CSMD1: variants seen among roughly 807,000 people sequenced by gnomAD.
The protein encoded by CSMD1 is CUB and sushi domain-containing protein 1.
CSMD1 carries 213 observed loss-of-function variants against 417.5 expected under a neutral mutation model. That is an observed-to-expected ratio of 0.51 (90% CI 0.46 to 0.57). The LOEUF (loss-of-function observed/expected upper bound fraction) is 0.57, where lower values mean the gene tolerates loss of function less well. Ranked by LOEUF, CSMD1 falls within the 20% of genes least tolerant of loss-of-function variation. The probability of loss-of-function intolerance (pLI) is 0.00; values close to 1 mark genes in which losing one functional copy is unlikely to be tolerated. For synonymous variants in CSMD1, 2,862 were observed against 1,736.8 expected, an observed-to-expected ratio of 1.65 and a Z score of -16.11; for missense variants, 6,923 against 4,529.7, an observed-to-expected ratio of 1.53 and a Z score of -15.17.
chr8:4,045,919 A>G (rs994070492), intron 3 of CSMD1, among the ~76,000 whole-genome samples: 3 of 152,098 alleles, frequency 2.0e-5, no homozygotes, highest in African/African-American at 4.8e-5. Flanking sequence ...CAGGTATTAC[A>G]TATTTTCTGG....
At chr8:4,631,274 A>G (rs1360070626) in intron 2 of CSMD1, among the ~76,000 whole-genome samples, 1 of 152,132 alleles carries the variant, frequency 6.6e-6, no homozygotes, top group Non-Finnish European at 1.5e-5. Flanking sequence ...AGGCAGGAGA[A>G]TCGCTGGAAC....
In CSMD1 at chr8:3,838,712, A is replaced by AATATATAATAAATATTATATAGTATG. The variant is rs1394790240; in HGVS notation, c.819-84671_819-84670insCATACTATATAATATTTATTATATAT. Among the ~76,000 whole-genome samples the AATATATAATAAATATTATATAGTATG allele has an allele frequency of 5.0e-4, 46 of 92,378 alleles. 8 individuals are homozygous for AATATATAATAAATATTATATAGTATG. The South Asian group carries it at 0.014, about 28-fold the overall frequency. 60.6% of individuals were successfully genotyped at this position (92,378 alleles called of 152,430 possible). ...ATATATAATAAATATTATATAGTAT[A>AATATATAATAAATATTATATAGTATG]ATATATAATAAATTAATATTATATA... On this transcript the variant is annotated intron_variant, in intron 5 of 69. Coordinates refer to ENST00000635120, the MANE Select transcript of CSMD1 (RefSeq NM_033225.6).
intron 3 of CSMD1, among the ~76,000 whole-genome samples, chr8:4,314,329 C>A (rs1798801343): frequency 6.6e-6 from 1 of 152,226 alleles, no homozygotes; most frequent in South Asian, 2.1e-4. Context: ...ACTAGCCCAA[C>A]AGCCAGTGCC....
At chr8:3,207,973 T>C (rs1350146659) in intron 30 of CSMD1, among the ~76,000 whole-genome samples, 3 of 152,216 alleles carry the variant, frequency 2.0e-5, no homozygotes, top group South Asian at 4.1e-4. Context: ...AACGCAGATA[T>C]ATCCCTCAGA....
At chr8:3,165,111 C>T (rs1056703943) in intron 37 of CSMD1, among the ~76,000 whole-genome samples, 4 of 152,024 alleles carry the variant, frequency 2.6e-5, no homozygotes, top group Non-Finnish European at 5.9e-5. Flanking sequence ...CTATGCAGAG[C>T]ACAATATTTG....
chr8:3,207,103 A>T (rs1415117931), intron 30 of CSMD1, among the ~76,000 whole-genome samples: 3 of 147,628 alleles, frequency 2.0e-5, no homozygotes, highest in African/African-American at 5.0e-5. Context: ...ATATTTCTAC[A>T]GCTCATTTCT....
intron 52 of CSMD1, among the ~76,000 whole-genome samples, chr8:3,016,850 G>A (rs1393057122): frequency 6.8e-6 from 1 of 147,412 alleles, no homozygotes; most frequent in Non-Finnish European, 1.5e-5. Flanking sequence ...GACATGTTTG[G>A]GGGCATCTCC....
intron 3 of CSMD1, among the ~76,000 whole-genome samples, chr8:4,084,568 C>T (rs920003249): frequency 2.6e-5 from 4 of 152,082 alleles, no homozygotes; most frequent in Non-Finnish European, 4.4e-5. Context: ...GTTAGGAACT[C>T]GATTCCTTAA....
At chr8:4,972,845 G>C (rs1041062326) in intron 1 of CSMD1, among the ~76,000 whole-genome samples, 2 of 152,048 alleles carry the variant, frequency 1.3e-5, no homozygotes, top group African/African-American at 2.4e-5. Context: ...CCCAGTATCT[G>C]GAATGAAGTG....
At chr8:4,247,232 G>A (rs1331888616) in intron 3 of CSMD1, among the ~76,000 whole-genome samples, 1 of 152,116 alleles carries the variant, frequency 6.6e-6, no homozygotes, top group Non-Finnish European at 1.5e-5. Flanking sequence ...GCGAGAAAGG[G>A]ACCCTCAAGT....
intron 2 of CSMD1, among the ~76,000 whole-genome samples, chr8:4,590,996 T>C (rs1339349238): frequency 6.6e-6 from 1 of 152,220 alleles, no homozygotes; most frequent in East Asian, 1.9e-4. Context: ...ATATCTCACC[T>C]GTGGCCTGCC....
At chr8:4,980,532 G>T (rs916687758) in intron 1 of CSMD1, among the ~76,000 whole-genome samples, 1 of 152,178 alleles carries the variant, frequency 6.6e-6, no homozygotes, top group African/African-American at 2.4e-5. Flanking sequence ...CTGCCTTTTG[G>T]GTGAGATATT....
chr8:4,230,464 A>G (rs1043992904), intron 3 of CSMD1, among the ~76,000 whole-genome samples: 9 of 152,152 alleles, frequency 5.9e-5, no homozygotes, highest in Admixed American at 2.0e-4. Context: ...ATCCCAATCA[A>G]TAACTATTAA....
chr8:3,507,718 C>T lies in CSMD1; in HGVS notation c.1345-13992G>A, dbSNP rs1796888605. Among the ~76,000 whole-genome samples, 3 of 152,196 alleles carry T rather than the reference C, an allele frequency of 2.0e-5. No individual in the cohort carries two copies. The South Asian group carries it at 6.2e-4, about 32-fold the overall frequency. On this transcript the variant is annotated intron_variant, in intron 10 of 69. Coordinates refer to ENST00000635120, the MANE Select transcript of CSMD1 (RefSeq NM_033225.6). ...CATTCTAACTGGTATGAGATGGTAT[C>T]TCACTGGGGTTTTGATTTGCATTTC... is the stretch of plus-strand genomic sequence containing the variant.
rs539540618 is a variant in CSMD1 at position 4,732,189 on chromosome 8, C to T, written c.86-94631G>A. 1.3e-3 allele frequency among the ~76,000 whole-genome samples: 204 copies of T among 152,260 alleles called. 7 individuals are homozygous for T. In the South Asian group the frequency reaches 0.039, roughly 29 times the overall value. On this transcript the variant is annotated intron_variant, in intron 1 of 69. Transcript: ENST00000635120. ...TGCAAAAGCGTTCGGTAGCAGACCGCAGACAAGAACTCAGATGTATCAGAC... is the reference window on the plus strand; with the variant it reads ...TGCAAAAGCGTTCGGTAGCAGACCGTAGACAAGAACTCAGATGTATCAGAC...
chr8:3,548,896 C>A (rs1798792409), intron 10 of CSMD1, among the ~76,000 whole-genome samples: 1 of 152,120 alleles, frequency 6.6e-6, no homozygotes, highest in Non-Finnish European at 1.5e-5. Context: ...TCCACATCCT[C>A]CCCTTCTCAC....
At chr8:3,339,444 G>A (rs1807497742) in intron 23 of CSMD1, among the ~76,000 whole-genome samples, 2 of 152,224 alleles carry the variant, frequency 1.3e-5, no homozygotes, top group South Asian at 4.1e-4. Flanking sequence ...GCATTCCCTG[G>A]GTGATTTGGT....
chr8:3,267,820 C>T (rs1168828277), intron 26 of CSMD1, among the ~76,000 whole-genome samples: 1 of 152,062 alleles, frequency 6.6e-6, no homozygotes, highest in Admixed American at 6.6e-5. Flanking sequence ...CTGATGTCAC[C>T]CAGCTGGGCC....
At chr8:4,147,550 T>A (rs1647366) in intron 3 of CSMD1, among the ~76,000 whole-genome samples, 2 of 152,132 alleles carry the variant, frequency 1.3e-5, no homozygotes, top group African/African-American at 4.8e-5. Flanking sequence ...TAATTAGTCA[T>A]GTATAAACCT....
Sources: gnomAD v4.1 joint callset for allele counts (sites outside exome capture counted in the v4.1 genomes callset) on GRCh38, gnomAD v4.1.1 for gene constraint, MANE v1.5 for transcripts, NCBI Gene and HGNC (gene_info 2026-07-23, HGNC 2026-07-21) for gene names.